Variants in DYNC1I1 observed in about 807,000 individuals in gnomAD.
The protein encoded by DYNC1I1 is cytoplasmic dynein 1 intermediate chain 1.
DYNC1I1 carries 43 observed loss-of-function variants against 86.6 expected under a neutral mutation model. The ratio of observed to expected loss-of-function variants is 0.50; its 90% confidence interval spans 0.39 to 0.64. DYNC1I1 has a LOEUF of 0.64. Among genes scored for constraint, DYNC1I1 ranks in the 30% least tolerant of loss-of-function variants. The pLI, the probability that DYNC1I1 is intolerant of heterozygous loss-of-function variation, is 0.00. For synonymous variants in DYNC1I1, 262 were observed against 283.7 expected, an observed-to-expected ratio of 0.92 and a Z score of 0.77; for missense variants, 604 against 788.8, an observed-to-expected ratio of 0.77 and a Z score of 2.81.
At chr7:95,955,230 GT>G (rs1792678633) in intron 6 of DYNC1I1, among the ~76,000 whole-genome samples, 1 of 152,020 alleles carries the variant, frequency 6.6e-6, no homozygotes, top group Admixed American at 6.5e-5. Flanking sequence ...AAAATACCAT[GT>G]TGCCCACGAT....
intron 14 of DYNC1I1, among the ~76,000 whole-genome samples, chr7:96,059,406 G>A (rs1789695901): frequency 6.6e-6 from 1 of 152,114 alleles, no homozygotes; most frequent in African/African-American, 2.4e-5. Flanking sequence ...AAGGAGTGTA[G>A]TCTTATTCTG....
intron 14 of DYNC1I1, among the ~76,000 whole-genome samples, chr7:96,073,207 T>C (rs1449543427): frequency 1.3e-5 from 2 of 152,192 alleles, no homozygotes; most frequent in Non-Finnish European, 2.9e-5. Flanking sequence ...CCTAGAATTA[T>C]TTGCACAGCA....
chr7:95,848,210 T>TG (rs1410954155), intron 5 of DYNC1I1, among the ~76,000 whole-genome samples: 4 of 32,548 alleles, frequency 1.2e-4, no homozygotes, highest in South Asian at 1.3e-3. Context: ...TTACAGTTGT[T>TG]TTTTTTTTTT....
At chr7:95,899,629 C>T (rs375834117) in intron 6 of DYNC1I1, among the ~76,000 whole-genome samples, 66 of 152,272 alleles carry the variant, frequency 4.3e-4, no homozygotes, top group African/African-American at 1.6e-3. Context: ...GAGAGTGAAC[C>T]ACTCCTTCAG....
chr7:96,048,879 A>C, intron 14 of DYNC1I1, among the ~76,000 whole-genome samples: 1 of 152,234 alleles, frequency 6.6e-6, no homozygotes, highest in South Asian at 2.1e-4. Context: ...GTTACGCTTG[A>C]AACTTGACAA....
intron 1 of DYNC1I1, among the ~76,000 whole-genome samples, chr7:95,779,993 T>C (rs1224601842): frequency 6.6e-6 from 1 of 152,148 alleles, no homozygotes; most frequent in Non-Finnish European, 1.5e-5. Flanking sequence ...GCAGCATGGT[T>C]TGAATCTGGT....
rs113015593 is a variant in DYNC1I1 at position 95,977,404 on chromosome 7, T to C, written c.491-108T>C. 198 of 849,574 alleles carry C rather than the reference T, an allele frequency of 2.3e-4. No homozygotes were observed. The African/African-American group carries it at 3.1e-3, about 13-fold the overall frequency. 52.6% of individuals were successfully genotyped at this position (849,574 alleles called of 1,614,324 possible). On this transcript the variant is annotated intron_variant, in intron 6 of 16. Transcript: ENST00000447467. ...ATTGTGGACTGATTTACTTAGATGT[T>C]GCCCTAAATGATTGGAACTTTACCC...
chr7:95,910,229 A>G (rs1562940991), intron 6 of DYNC1I1, among the ~76,000 whole-genome samples: 1 of 152,026 alleles, frequency 6.6e-6, no homozygotes, highest in Non-Finnish European at 1.5e-5. Context: ...TATTTCTTGG[A>G]TCCTGTACCT....
At chr7:95,782,273 C>G (rs1794013181) in intron 1 of DYNC1I1, among the ~76,000 whole-genome samples, 1 of 152,184 alleles carries the variant, frequency 6.6e-6, no homozygotes, top group African/African-American at 2.4e-5. Context: ...TCGTAATAAA[C>G]TCAAATGACT....
chr7:95,836,962 T>C (rs1230735634), intron 5 of DYNC1I1, among the ~76,000 whole-genome samples: 1 of 152,188 alleles, frequency 6.6e-6, no homozygotes, highest in Non-Finnish European at 1.5e-5. Context: ...CCTTCTTCTC[T>C]CAGCTCGTCA....
chr7:95,799,642 T>TA (rs1475831249), intron 1 of DYNC1I1, among the ~76,000 whole-genome samples: 3 of 146,094 alleles, frequency 2.1e-5, no homozygotes, highest in Non-Finnish European at 4.5e-5. Flanking sequence ...TTTAAAAAGT[T>TA]TTTTTTTTTT....
At chr7:96,068,401 T>C (rs1790058684) in intron 14 of DYNC1I1, among the ~76,000 whole-genome samples, 1 of 152,144 alleles carries the variant, frequency 6.6e-6, no homozygotes, top group South Asian at 2.1e-4. Context: ...TAATGTAAAA[T>C]ACATAACATT....
At chr7:95,793,402 C>G (rs1474366836) in intron 1 of DYNC1I1, among the ~76,000 whole-genome samples, 1 of 151,800 alleles carries the variant, frequency 6.6e-6, no homozygotes, top group Non-Finnish European at 1.5e-5. Flanking sequence ...TCGTGGCAGA[C>G]CTCCCAAAGA....
intron 2 of DYNC1I1, among the ~76,000 whole-genome samples, chr7:95,809,575 A>C (rs1180460655): frequency 6.6e-6 from 1 of 152,160 alleles, no homozygotes; most frequent in East Asian, 1.9e-4. Flanking sequence ...GGAATTTTTA[A>C]ATTTCCCCTA....
chr7:96,079,344 T>C (rs1790442490), intron 15 of DYNC1I1, among the ~76,000 whole-genome samples: 1 of 152,172 alleles, frequency 6.6e-6, no homozygotes, highest in African/African-American at 2.4e-5. Flanking sequence ...ATTTTTTCTT[T>C]ATGTTTTAAT....
chr7:96,100,683 G>GTGTGC (rs1242772590), downstream of DYNC1I1, among the ~76,000 whole-genome samples: 1 of 66,460 alleles, frequency 1.5e-5, no homozygotes, highest in African/African-American at 7.2e-5. Context: ...TGTGTGTGTG[G>GTGTGC]TAAGGAAGAG....
Position 96,097,841 on chromosome 7 carries a change from G to A in DYNC1I1, c.*248G>A. 1 of 1,214,996 alleles carries A rather than the reference G, an allele frequency of 8.2e-7. No homozygotes were observed. The highest frequency in any genetic ancestry group is 1.5e-5 in the African/African-American group (1 of 65,320). 75.3% of individuals were successfully genotyped at this position (1,214,996 alleles called of 1,614,324 possible). A position where few individuals can be genotyped will look rare whatever the true frequency, so the allele number is the denominator to read the frequency against. Reference sequence around the variant, plus strand: ...AAAAATGAAGAGAAGGGGGTTATGGGTTAAGTTGCTGCCTTTTAACTACTT... The same window carrying A: ...AAAAATGAAGAGAAGGGGGTTATGGATTAAGTTGCTGCCTTTTAACTACTT... On this transcript the variant is annotated 3_prime_UTR_variant, in exon 17 of 17. Transcript: ENST00000447467.
At chr7:95,812,370 G>C (rs1274697418) in intron 3 of DYNC1I1, among the ~76,000 whole-genome samples, 1 of 152,170 alleles carries the variant, frequency 6.6e-6, no homozygotes, top group Non-Finnish European at 1.5e-5. Flanking sequence ...TCTATCTGAA[G>C]GACATTTGGC....
At chr7:95,883,523 A>G (rs186571332) in intron 6 of DYNC1I1, among the ~76,000 whole-genome samples, 14 of 152,294 alleles carry the variant, frequency 9.2e-5, no homozygotes, top group Admixed American at 2.0e-4. Context: ...GTTTCCGTGG[A>G]ATGACATGGT....
Sources: allele counts gnomAD v4.1 joint callset (sites outside exome capture counted in the v4.1 genomes callset), GRCh38; gene constraint gnomAD v4.1.1; transcripts MANE v1.5; gene names NCBI Gene and HGNC (gene_info 2026-07-23, HGNC 2026-07-21).